Variants in GALNTL6 observed in about 807,000 individuals in gnomAD.
The protein encoded by GALNTL6 is polypeptide N-acetylgalactosaminyltransferase-like 6.
In GALNTL6, 46 loss-of-function variants were observed where a neutral mutation model predicts 73.7. The ratio of observed to expected loss-of-function variants is 0.62; its 90% CI spans 0.49 to 0.80. GALNTL6 has a LOEUF of 0.80. GALNTL6 is among the 30% of genes least tolerant of loss of function. The pLI is 0.00. For synonymous variants in GALNTL6, 259 were observed against 263.7 expected (o/e 0.98, Z 0.17); for missense variants, 604 against 755.0 (o/e 0.80, Z 2.34).
intron 5 of GALNTL6, among the ~76,000 whole-genome samples, chr4:172,790,590 A>G (rs1020145498): frequency 4.6e-5 from 7 of 152,190 alleles, no homozygotes; most frequent in Non-Finnish European, 4.4e-5. Flanking sequence ...GTATTTTATC[A>G]TGGCAGCTCC....
At chr4:172,718,129 T>C (rs1393688146) in intron 5 of GALNTL6, among the ~76,000 whole-genome samples, 2 of 152,260 alleles carry the variant, frequency 1.3e-5, no homozygotes, top group African/African-American at 4.8e-5. Flanking sequence ...TTGGAAAAAA[T>C]ACATAATCTT....
intron 5 of GALNTL6, among the ~76,000 whole-genome samples, chr4:172,705,213 AT>A (rs58644433): frequency 2.1e-4 from 31 of 146,378 alleles, no homozygotes; most frequent in African/African-American, 3.5e-4. Context: ...TACTACTGCT[AT>A]TTTTTTTTTG....
intron 5 of GALNTL6, among the ~76,000 whole-genome samples, chr4:172,755,319 C>A (rs1737693031): frequency 6.8e-6 from 1 of 147,828 alleles, no homozygotes; most frequent in African/African-American, 2.5e-5. Flanking sequence ...AATTAAACTT[C>A]TAAATTGCAA....
chr4:171,954,210 C>G (rs1024380531), intron 2 of GALNTL6, among the ~76,000 whole-genome samples: 3 of 152,152 alleles, frequency 2.0e-5, no homozygotes, highest in Admixed American at 1.3e-4. Flanking sequence ...ATTCATAACT[C>G]ATTGGGTTGA....
chr4:172,591,164 T>A (rs989872846), intron 5 of GALNTL6, among the ~76,000 whole-genome samples: 1 of 152,308 alleles, frequency 6.6e-6, no homozygotes, highest in Middle Eastern at 3.4e-3. Flanking sequence ...CTGTTTTTGT[T>A]TTTGTTTTAA....
chr4:172,234,247 T>C lies in GALNTL6; in HGVS notation c.247+4483T>C, dbSNP rs149063681. On this transcript the variant is annotated intron_variant, in intron 3 of 12. Coordinates refer to ENST00000506823, the MANE Select transcript of GALNTL6 (RefSeq NM_001034845.3). ...ATTCTAGACCCTATAATTTTAGTTT[T>C]AGTTTTCTCCTATTATTATAATTGC... 1.2e-3 allele frequency among the ~76,000 whole-genome samples: 179 copies of C among 152,230 alleles called. 3 individuals are homozygous for C. In the East Asian group the frequency reaches 0.03, roughly 25 times the overall value.
At chr4:171,853,847 G>T (rs1735602447) in intron 2 of GALNTL6, among the ~76,000 whole-genome samples, 1 of 151,848 alleles carries the variant, frequency 6.6e-6, no homozygotes, top group South Asian at 2.1e-4. Flanking sequence ...CCTGACTTCA[G>T]TTGATACACC....
intron 5 of GALNTL6, among the ~76,000 whole-genome samples, chr4:172,635,888 C>T (rs1318635875): frequency 6.6e-6 from 1 of 152,164 alleles, no homozygotes; most frequent in African/African-American, 2.4e-5. Flanking sequence ...ATCCACTAAA[C>T]CATATGATAA....
At chr4:172,517,451 A>AG (rs1734646863) in intron 5 of GALNTL6, among the ~76,000 whole-genome samples, 1 of 152,104 alleles carries the variant, frequency 6.6e-6, no homozygotes, top group Non-Finnish European at 1.5e-5. Context: ...AAGAAGGTGG[A>AG]GGTCGTATAC....
intron 5 of GALNTL6, among the ~76,000 whole-genome samples, chr4:172,658,044 G>A (rs1230585048): frequency 2.1e-5 from 3 of 140,114 alleles, no homozygotes; most frequent in East Asian, 2.1e-4. Flanking sequence ...CAGCTACTCG[G>A]GAGGCTGAGG....
At chr4:172,247,241 A>G (rs748743096) in intron 3 of GALNTL6, among the ~76,000 whole-genome samples, 2 of 152,088 alleles carry the variant, frequency 1.3e-5, no homozygotes, top group African/African-American at 2.4e-5. Flanking sequence ...CAGCCACCCA[A>G]ATTCAGCATC....
chr4:172,436,457 C>T (rs1016971390), intron 5 of GALNTL6, among the ~76,000 whole-genome samples: 1 of 152,076 alleles, frequency 6.6e-6, no homozygotes, highest in Non-Finnish European at 1.5e-5. Flanking sequence ...GGGAGAGAAA[C>T]AGGTAAGTCC....
At chr4:172,269,854 A>G (rs1579317831) in intron 3 of GALNTL6, among the ~76,000 whole-genome samples, 1 of 151,592 alleles carries the variant, frequency 6.6e-6, no homozygotes, top group Non-Finnish European at 1.5e-5. Context: ...TGGGTTCAAG[A>G]GATTCTCCTG....
intron 2 of GALNTL6, among the ~76,000 whole-genome samples, chr4:172,123,168 A>G (rs1045075304): frequency 5.3e-5 from 8 of 152,174 alleles, no homozygotes; most frequent in Non-Finnish European, 1.5e-5. Context: ...GGAACCCTTG[A>G]AGCTGGGCAT....
At chr4:171,814,979 C>G (rs556135685) in intron 2 of GALNTL6, 13 of 539,404 alleles carry the variant, frequency 2.4e-5, no homozygotes, top group African/African-American at 2.3e-4. Flanking sequence ...CACCATTGGT[C>G]TTAGGTTGAT....
At chr4:172,182,661 G>T (rs1174446666) in intron 2 of GALNTL6, among the ~76,000 whole-genome samples, 2 of 151,498 alleles carry the variant, frequency 1.3e-5, no homozygotes, top group Non-Finnish European at 2.9e-5. Flanking sequence ...TTCTAGGGGG[G>T]AGTAAAAATT....
chr4:172,369,006 C>G (rs1742680216), intron 5 of GALNTL6, among the ~76,000 whole-genome samples: 1 of 152,138 alleles, frequency 6.6e-6, no homozygotes, highest in Non-Finnish European at 1.5e-5. Flanking sequence ...AGCAAAAGAA[C>G]AAAGCTTCCA....
At chr4:172,123,103 G>T (rs1733196929) in intron 2 of GALNTL6, among the ~76,000 whole-genome samples, 2 of 152,198 alleles carry the variant, frequency 1.3e-5, no homozygotes. Context: ...CTTCAGTCTT[G>T]AAGTTTCTAG....
intron 2 of GALNTL6, among the ~76,000 whole-genome samples, chr4:172,028,544 G>A (rs955194592): frequency 3.3e-5 from 5 of 151,982 alleles, no homozygotes; most frequent in Admixed American, 1.3e-4. Context: ...GAGATAGTAA[G>A]ATAAATTATT....
Sources: allele counts gnomAD v4.1 joint callset (sites outside exome capture counted in the v4.1 genomes callset), GRCh38; gene constraint gnomAD v4.1.1; transcripts MANE v1.5; gene names NCBI Gene and HGNC (gene_info 2026-07-23, HGNC 2026-07-21).